Variants in COBLL1 observed in about 807,000 individuals in gnomAD.
The protein encoded by COBLL1 is cordon-bleu WH2 repeat protein like 1, also known as cordon-bleu protein-like 1.
A neutral mutation model predicts 94.8 loss-of-function variants in COBLL1; 50 were observed. That is an observed-to-expected ratio of 0.53 (90% CI 0.42 to 0.67). COBLL1 has a LOEUF of 0.67. Among genes scored for constraint, COBLL1 ranks in the 30% least tolerant of loss-of-function variants. The pLI, the probability that COBLL1 is intolerant of heterozygous loss-of-function variation, is 0.00. For synonymous variants in COBLL1, 448 were observed against 473.8 expected (o/e 0.95, Z 0.71); for missense variants, 1,362 against 1,348.7 (o/e 1.01, Z -0.15).
intron 9 of COBLL1, 103 bp from the exon 10 acceptor site, chr2:164,700,859 C>T (rs1684216048): frequency 2.9e-6 from 2 of 699,740 alleles, no homozygotes; most frequent in Admixed American, 2.6e-5. Context: ...TAGCTGGACT[C>T]TTTTAAATTC....
At chr2:164,721,799 GT>G (rs1685457421) in intron 7 of COBLL1, 1 of 203,638 alleles carries the variant, frequency 4.9e-6, no homozygotes, top group Non-Finnish European at 9.8e-6. Flanking sequence ...AAGACTTTAG[GT>G]TTTCAGATTT....
At chr2:164,753,567 A>T (rs539875306) in intron 2 of COBLL1, among the ~76,000 whole-genome samples, 6 of 151,992 alleles carry the variant, frequency 3.9e-5, no homozygotes, top group Non-Finnish European at 8.8e-5. Flanking sequence ...AACTTCTAGG[A>T]CTCTGCTGTC....
At chr2:164,837,985 C>G (rs1159045350) in intron 2 of COBLL1, among the ~76,000 whole-genome samples, 1 of 152,116 alleles carries the variant, frequency 6.6e-6, no homozygotes, top group East Asian at 1.9e-4. Context: ...AGGTCAAGGT[C>G]AGCCTGGGCA....
intron 3 of COBLL1, chr2:164,743,041 C>T (rs956320853): frequency 2.0e-5 from 3 of 152,030 alleles, no homozygotes; most frequent in Non-Finnish European, 2.9e-5. Context: ...TTCCAATTTT[C>T]GCAAAGGTAT....
intron 2 of COBLL1, among the ~76,000 whole-genome samples, chr2:164,790,289 C>T (rs979025655): frequency 3.3e-5 from 5 of 152,128 alleles, no homozygotes; most frequent in African/African-American, 1.2e-4. Flanking sequence ...CATGGGACGG[C>T]ATCCTATCTA....
chr2:164,826,752 G>A (rs1685446243), intron 2 of COBLL1, among the ~76,000 whole-genome samples: 1 of 152,182 alleles, frequency 6.6e-6, no homozygotes, highest in Admixed American at 6.5e-5. Context: ...ATGCCAGAGT[G>A]CCAAGTGCAC....
intron 2 of COBLL1, among the ~76,000 whole-genome samples, chr2:164,764,844 T>C (rs1262559835): frequency 2.0e-5 from 3 of 152,244 alleles, no homozygotes; most frequent in Admixed American, 1.3e-4. Flanking sequence ...ATAGTCATTA[T>C]GAAGGCTGCT....
At chr2:164,775,784 C>T (rs1343116682) in intron 2 of COBLL1, among the ~76,000 whole-genome samples, 11 of 151,994 alleles carry the variant, frequency 7.2e-5, no homozygotes, top group Non-Finnish European at 1.3e-4. Flanking sequence ...CCCAAACACT[C>T]CCTCCTCTTA....
intron 7 of COBLL1, among the ~76,000 whole-genome samples, chr2:164,711,585 A>T (rs1234180121): frequency 6.6e-6 from 1 of 152,224 alleles, no homozygotes; most frequent in Non-Finnish European, 1.5e-5. Context: ...AAAGTTAAAT[A>T]TTTAACACTA....
At chr2:164,692,139 G>T in intron 13 of COBLL1, 82 bp downstream of exon 13, 1 of 1,282,490 alleles carries the variant, frequency 7.8e-7, no homozygotes, top group Non-Finnish European at 1.1e-6. Context: ...AGATTTACAT[G>T]CTAGAAAAAT....
intron 2 of COBLL1, among the ~76,000 whole-genome samples, chr2:164,779,304 T>A (rs1209234753): frequency 1.3e-5 from 2 of 152,112 alleles, no homozygotes; most frequent in Non-Finnish European, 2.9e-5. Context: ...CATGGCAAAG[T>A]CACCATCTTT....
intron 2 of COBLL1, among the ~76,000 whole-genome samples, chr2:164,824,085 T>C (rs1685314538): frequency 6.6e-6 from 1 of 152,166 alleles, no homozygotes; most frequent in Non-Finnish European, 1.5e-5. Flanking sequence ...CCTAAATCCT[T>C]ATTAAATAGT....
At chr2:164,713,672 G>A (rs972188969) in intron 7 of COBLL1, among the ~76,000 whole-genome samples, 7 of 152,060 alleles carry the variant, frequency 4.6e-5, no homozygotes, top group African/African-American at 1.2e-4. Flanking sequence ...TAAGCATGTC[G>A]TCATCAAATA....
intron 2 of COBLL1, among the ~76,000 whole-genome samples, chr2:164,803,967 A>C (rs944855980): frequency 6.6e-6 from 1 of 152,108 alleles, no homozygotes; most frequent in Non-Finnish European, 1.5e-5. Context: ...GACACAGGCT[A>C]ATGAAGAGGG....
chr2:164,754,427 C>A (rs1299968058), intron 2 of COBLL1, among the ~76,000 whole-genome samples: 5 of 152,162 alleles, frequency 3.3e-5, no homozygotes, highest in Non-Finnish European at 7.4e-5. Context: ...ATTTTAGGTA[C>A]CCTCCTGCTC....
At chr2:164,813,934 G>A (rs1181032463) in intron 2 of COBLL1, among the ~76,000 whole-genome samples, 6 of 152,200 alleles carry the variant, frequency 3.9e-5, no homozygotes, top group Non-Finnish European at 2.9e-5. Flanking sequence ...CTAGGGGACA[G>A]AGGCTGTGAG....
intron 2 of COBLL1, among the ~76,000 whole-genome samples, chr2:164,794,668 G>C (rs1366743026): frequency 6.6e-6 from 1 of 152,094 alleles, no homozygotes; most frequent in Admixed American, 6.5e-5. Context: ...ACAGGGAAAG[G>C]AAAGAGAAAG....
intron 7 of COBLL1, among the ~76,000 whole-genome samples, chr2:164,710,307 G>C (rs1284110936): frequency 2.0e-5 from 3 of 152,092 alleles, no homozygotes; most frequent in Non-Finnish European, 4.4e-5. Flanking sequence ...TAAGTTAGGA[G>C]ACTTCGATAT....
At chr2:164,776,983 C>T (rs1688496704) in intron 2 of COBLL1, among the ~76,000 whole-genome samples, 7 of 152,106 alleles carry the variant, frequency 4.6e-5, no homozygotes. Context: ...CCCATATACA[C>T]TTTACCTAGT....
Sources: gnomAD v4.1 joint callset for allele counts (sites outside exome capture counted in the v4.1 genomes callset) on GRCh38, gnomAD v4.1.1 for gene constraint, MANE v1.5 for transcripts, NCBI Gene and HGNC (gene_info 2026-07-23, HGNC 2026-07-21) for gene names.